The following PSMD1 variants were observed in gnomAD, a reference collection of about 807,000 sequenced individuals.
PSMD1 encodes proteasome 26S subunit, non-ATPase 1.
In PSMD1, 18 loss-of-function variants were observed where a neutral mutation model predicts 119.0. The observed-to-expected ratio is 0.15, with a 90% CI of 0.10 to 0.22. The LOEUF is 0.22. PSMD1 is among the 10% of genes least tolerant of loss of function. The pLI is 1.00. For missense variants in PSMD1, 702 were observed against 1,158.5 expected (o/e 0.61, Z 5.72); for synonymous variants, 374 against 396.6 (o/e 0.94, Z 0.68).
At chr2:231,139,955 A>C (rs759082121) in intron 17 of PSMD1, among the ~76,000 whole-genome samples, 2 of 152,220 alleles carry the variant, frequency 1.3e-5, no homozygotes, top group Non-Finnish European at 2.9e-5. Flanking sequence ...TAATCATGAC[A>C]CTTTGACTCT....
intron 16 of PSMD1, among the ~76,000 whole-genome samples, chr2:231,093,834 C>T (rs755518539): frequency 6.6e-6 from 1 of 151,732 alleles, no homozygotes; most frequent in African/African-American, 2.4e-5. Context: ...GGGGGTTATA[C>T]GAGATGCCTG....
intron 18 of PSMD1, among the ~76,000 whole-genome samples, chr2:231,148,913 G>A (rs1019893040): frequency 5.9e-5 from 9 of 152,168 alleles, no homozygotes; most frequent in Admixed American, 5.2e-4. Context: ...GATTCTCAAG[G>A]CTACAGAGTC....
chr2:231,078,517 A>G (rs541875977), intron 9 of PSMD1, 142 bp from the exon 10 acceptor site: 2 of 466,048 alleles, frequency 4.3e-6, no homozygotes, highest in South Asian at 1.2e-4. Flanking sequence ...TTATAAAAGA[A>G]ATACCCAAGA....
chr2:231,097,692 G>C (rs1401626724), intron 16 of PSMD1, among the ~76,000 whole-genome samples: 7 of 151,908 alleles, frequency 4.6e-5, no homozygotes, highest in Non-Finnish European at 1.0e-4. Context: ...TTTGATTTTG[G>C]GTTTTAAATT....
rs1256015599 is a variant in PSMD1, at chr2:231,082,909, C to T, written c.1440C>T (p.Gly480=). Residue 480 remains glycine, a synonymous_variant, in exon 13 of 25, where the codon GGC becomes GGT. Transcript: ENST00000308696. ...TCGTTAGACACGGTGGCAGTCTGGG[C>T]CTTGGTTTGGCAGCCATGGGAACTG... ...NDIVRHGGSL[G]LGLAAMGTAR... 2 of 1,613,876 alleles carry T rather than the reference C, an allele frequency of 1.2e-6. No individual in the cohort carries two copies. Among genetic ancestry groups the T allele is most frequent in the Non-Finnish European group, 1.7e-6 (2 of 1,179,910 alleles).
chr2:231,162,330 C>G (rs921489249), intron 20 of PSMD1, among the ~76,000 whole-genome samples: 1 of 152,198 alleles, frequency 6.6e-6, no homozygotes, highest in Non-Finnish European at 1.5e-5. Context: ...AAGTTTTAGG[C>G]TTAAAACTGA....
rs1265106792 is a variant in PSMD1 at position 231,153,551 on chromosome 2, C to G, written c.2116-13C>G. On this transcript the variant is annotated splice_polypyrimidine_tract_variant and intron_variant, in intron 18 of 24. Coordinates refer to ENST00000308696, the MANE Select transcript of PSMD1 (RefSeq NM_002807.4). ...GTAGACTTAGACTATAATTCTTTCT[C>G]TTGCTCCTTCAGGTGAATCAGTTCA... 6.4e-7 allele frequency: 1 copy of G among 1,568,266 alleles called. No homozygotes were observed. Among genetic ancestry groups the G allele is most frequent in the African/African-American group, 1.4e-5 (1 of 73,722 alleles).
chr2:231,087,611 A>AG (rs1193465072), intron 16 of PSMD1, among the ~76,000 whole-genome samples: 1 of 152,212 alleles, frequency 6.6e-6, no homozygotes, highest in Non-Finnish European at 1.5e-5. Context: ...TTTAAAGATT[A>AG]TCTTTTACTT....
intron 16 of PSMD1, among the ~76,000 whole-genome samples, chr2:231,112,632 G>A (rs184354338): frequency 3.9e-5 from 6 of 152,200 alleles, no homozygotes; most frequent in Admixed American, 2.0e-4. Context: ...TTTTTACAAG[G>A]AAGAAGAGAA....
intron 17 of PSMD1, among the ~76,000 whole-genome samples, chr2:231,140,137 G>A (rs1696070049): frequency 6.6e-6 from 1 of 152,134 alleles, no homozygotes; most frequent in Non-Finnish European, 1.5e-5. Flanking sequence ...ATAGTTGTAA[G>A]TTTATGGACT....
intron 19 of PSMD1, among the ~76,000 whole-genome samples, chr2:231,156,803 A>G (rs952276295): frequency 6.6e-6 from 1 of 152,190 alleles, no homozygotes; most frequent in Non-Finnish European, 1.5e-5. Flanking sequence ...GTCACCTTAC[A>G]TACTTATCAT....
At position 231,163,687 on chromosome 2, in the gene PSMD1, C is replaced by G; in HGVS notation, c.2441C>G (p.Pro814Arg). ...TGTAAACCATCCACATTTGCATATC[C>G]TGCCCCTCTGGAAGTACCAAAAGAA... ...SNCKPSTFAY[P>R]APLEVPKEKE... is the part of the protein sequence containing the mutation. Residue 814 changes from proline (P) to arginine (R), a missense_variant, in exon 21 of 25, where the codon CCT (proline) becomes CGT (arginine). Physicochemically the swap from Pro to Arg is moderately radical, Grantham distance 103. Around this residue, in one of 9 missense-constraint regions of PSMD1, gnomAD observed 152 missense variants for 239.3 expected, o/e 0.64. Coordinates refer to ENST00000308696, the MANE Select transcript of PSMD1 (RefSeq NM_002807.4). The G allele has an allele frequency of 3.1e-6, 5 of 1,613,050 alleles. No homozygotes were observed. The highest frequency in any genetic ancestry group is 4.2e-6 in the Non-Finnish European group (5 of 1,179,196).
chr2:231,164,797 T>C (rs1225933307), intron 21 of PSMD1, among the ~76,000 whole-genome samples: 1 of 151,744 alleles, frequency 6.6e-6, no homozygotes, highest in Non-Finnish European at 1.5e-5. Flanking sequence ...TGAAGGAAAT[T>C]GTTCTATTTT....
At chr2:231,161,188 G>A (rs1407293982) in intron 19 of PSMD1, 152 bp from the exon 20 acceptor site, 1 of 705,644 alleles carries the variant, frequency 1.4e-6, no homozygotes, top group Non-Finnish European at 2.2e-6. Flanking sequence ...CTTGGGTGCA[G>A]TGTTTCACTC....
In PSMD1 at chr2:231,062,585, G is replaced by A; in HGVS notation, c.214G>A (p.Gly72Arg). Residue 72 changes from glycine (G) to arginine (R), a missense_variant, in exon 4 of 25, where the codon GGG becomes AGG. By Grantham distance (125) the Gly-to-Arg change is moderately radical. Around this residue, in one of 9 missense-constraint regions of PSMD1, gnomAD observed 60 missense variants for 118.2 expected, o/e 0.51. Transcript: ENST00000308696. ...LVASKVFYHLGAFEESLNYAL... is the reference protein window; with the variant it reads ...LVASKVFYHLRAFEESLNYAL... ...GGCATCTAAAGTATTTTATCACCTGGGGGCTTTTGAGGAGTCTCTGAATTA... is the reference window on the plus strand; with the variant it reads ...GGCATCTAAAGTATTTTATCACCTGAGGGCTTTTGAGGAGTCTCTGAATTA... The A allele has an allele frequency of 6.2e-7, 1 of 1,613,492 alleles. No homozygotes were observed. The highest frequency in any genetic ancestry group is 8.5e-7 in the Non-Finnish European group (1 of 1,179,822).
At chr2:231,152,500 A>G (rs1180292722) in intron 18 of PSMD1, among the ~76,000 whole-genome samples, 1 of 152,170 alleles carries the variant, frequency 6.6e-6, no homozygotes, top group Non-Finnish European at 1.5e-5. Context: ...AGAGATGAAG[A>G]TACTGAGGTT....
chr2:231,102,878 A>G (rs1328782494), intron 16 of PSMD1, among the ~76,000 whole-genome samples: 1 of 142,186 alleles, frequency 7.0e-6, no homozygotes, highest in African/African-American at 2.5e-5. Flanking sequence ...TATTTGTTAT[A>G]TTTGTTATAG....
chr2:231,057,633 T>TA (rs1290059887), intron 1 of PSMD1, among the ~76,000 whole-genome samples: 2 of 152,252 alleles, frequency 1.3e-5, no homozygotes, highest in Non-Finnish European at 2.9e-5. Flanking sequence ...GCCCTGGAGA[T>TA]ACCTTTATAC....
intron 6 of PSMD1, among the ~76,000 whole-genome samples, chr2:231,071,001 GA>G (rs1694028563): frequency 6.6e-6 from 1 of 151,946 alleles, no homozygotes; most frequent in Non-Finnish European, 1.5e-5. Context: ...AATACTAGAA[GA>G]AAAAATATCC....
Sources: allele counts gnomAD v4.1 joint callset (sites outside exome capture counted in the v4.1 genomes callset), GRCh38; gene constraint gnomAD v4.1.1; regional missense constraint gnomAD v4.1.1; transcripts MANE v1.5; gene names NCBI Gene and HGNC (gene_info 2026-07-23, HGNC 2026-07-21).